Variants in MRM3 observed in about 807,000 individuals in gnomAD.
MRM3 encodes mitochondrial rRNA methyltransferase 3.
MRM3 carries 26 observed loss-of-function variants against 29.4 expected under a neutral mutation model. The observed-to-expected ratio is 0.89, with a 90% CI of 0.65 to 1.23. The LOEUF is 1.23. Ranked by LOEUF, MRM3 falls within the 50% of genes most tolerant of loss-of-function variation. MRM3 has a pLI of 0.00. For synonymous variants in MRM3, 225 were observed against 219.0 expected (o/e 1.03, Z -0.24); for missense variants, 578 against 540.2 (o/e 1.07, Z -0.69).
In MRM3 at chr17:782,681, C is replaced by G. The variant is rs776218722; in HGVS notation, c.303C>G (p.Asp101Glu). 1 of 1,602,546 alleles carries G rather than the reference C, an allele frequency of 6.2e-7. No individual in the cohort carries two copies. Among genetic ancestry groups the G allele is most frequent in the South Asian group, 1.1e-5 (1 of 90,730 alleles). ...GCTACGATAAAGCTTATCCCGGGGA[C>G]AGGAGGCTGAGGTGATGTGGTTCTT... The part of the protein sequence containing the change: ...GLRYDKAYPG[D>E]RRLSSVMTIV... Residue 101 changes from aspartate (D) to glutamate (E), a missense_variant, in exon 1 of 4, where the codon GAC becomes GAG. Physicochemically the swap from Asp to Glu is conservative, Grantham distance 45 (BLOSUM62 2). Coordinates refer to ENST00000304478, the MANE Select transcript of MRM3 (RefSeq NM_018146.4).
Position 787,697 on chromosome 17 carries a change from C to T in MRM3, c.560-268C>T, listed in dbSNP as rs959188067. ...CCAGGTAGCTGGGACTAGAGGCATG[C>T]GCCACCACGCCTGGCTAATCTTTGT... On this transcript the variant is annotated intron_variant, in intron 2 of 3. Coordinates refer to ENST00000304478, the MANE Select transcript of MRM3 (RefSeq NM_018146.4). This position sits in a 1 kb window ranked among gnomAD's most constrained non-coding sequence, Gnocchi z 4.1. Among the ~76,000 whole-genome samples the T allele has an allele frequency of 5.9e-5, 9 of 152,172 alleles. No individual in the cohort carries two copies. The highest frequency in any genetic ancestry group is 1.2e-4 in the Non-Finnish European group (8 of 68,030).
In MRM3 at chr17:782,419, C is replaced by T. The variant is rs752422638; in HGVS notation, c.41C>T (p.Pro14Leu). ...AGACCCGCGAGGTTTGTCGTGCGAC[C>T]GTTGCTGCAGGTGGTCCAGGCTTGG... ...LVRPARFVVRPLLQVVQAWDL... is the reference protein window; with the variant it reads ...LVRPARFVVRLLLQVVQAWDL... The change falls in exon 1 of 4, where the codon CCG (proline) becomes CTG (leucine). Residue 14 changes from proline (P) to leucine (L), a missense_variant. Pro to Leu is a moderately conservative substitution (Grantham distance 98, BLOSUM62 -3). Transcript: ENST00000304478. 8 of 1,613,944 alleles carry T rather than the reference C, an allele frequency of 5.0e-6. No homozygotes were observed. The South Asian group carries it at 6.6e-5, about 13-fold the overall frequency.
rs1345127510 is a variant in MRM3 at position 787,777 on chromosome 17, G to C, written c.560-188G>C. On this transcript the variant is annotated intron_variant, in intron 2 of 3. Transcript: ENST00000304478. This position sits in a 1 kb window ranked among gnomAD's most constrained non-coding sequence, Gnocchi z 4.1. ...TTGGCCAGGCTGGTCTCGGACTCCT[G>C]ACCTCAGGTGATCCACCCGCCTTGG... Among the ~76,000 whole-genome samples, 1 of 152,216 alleles carries C rather than the reference G, an allele frequency of 6.6e-6. No homozygotes were observed. The highest frequency in any genetic ancestry group is 1.5e-5 in the Non-Finnish European group (1 of 68,040).
At chr17:783,056 G>GT (rs34512506) in intron 1 of MRM3, 27 bp from the exon 2 acceptor site, 16,232 of 1,299,646 alleles carry the variant, frequency 0.012, no homozygotes, top group Non-Finnish European at 0.014. Context: ...ATAGTTACCT[G>GT]TTTTTTTTTT....
At chr17:784,279 A>G (rs1048089779) in intron 2 of MRM3, among the ~76,000 whole-genome samples, 4 of 152,226 alleles carry the variant, frequency 2.6e-5, no homozygotes, top group African/African-American at 9.6e-5. Flanking sequence ...TAACCCAGTG[A>G]GTCACAGGGA....
In MRM3 at chr17:782,601, C is replaced by G; in HGVS notation, c.223C>G (p.Pro75Ala). The G allele has an allele frequency of 1.2e-6, 2 of 1,614,056 alleles. No individual in the cohort carries two copies. The highest frequency in any genetic ancestry group is 1.7e-6 in the Non-Finnish European group (2 of 1,179,992). ...ASAQEQREKQPLEESASRAPS... is the reference protein window; with the variant it reads ...ASAQEQREKQALEESASRAPS... ...TGCCCAGGAGCAACGAGAGAAACAA[C>G]CGCTCGAGGAGTCCGCATCCCGCGC... The change falls in exon 1 of 4, where the codon CCG becomes GCG. Residue 75 changes from proline to alanine, a missense_variant. Transcript: ENST00000304478.
intron 3 of MRM3, among the ~76,000 whole-genome samples, chr17:789,548 C>G (rs1010930273): frequency 6.6e-6 from 1 of 152,194 alleles, no homozygotes; most frequent in Admixed American, 6.5e-5. Context: ...GAGTACCATT[C>G]ATCAGAAACA....
At chr17:783,036 A>G (rs757318944) in intron 1 of MRM3, 47 bp from the exon 2 acceptor site, 3 of 1,557,550 alleles carry the variant, frequency 1.9e-6, no homozygotes, top group Non-Finnish European at 2.6e-6. Context: ...TCTCAGTAAC[A>G]AGGATGTTGA....
chr17:785,654 C>T (rs780302000), intron 2 of MRM3, among the ~76,000 whole-genome samples: 3 of 152,150 alleles, frequency 2.0e-5, no homozygotes, highest in Non-Finnish European at 2.9e-5. Flanking sequence ...ACCTACAGCC[C>T]CTTCGTTTTG....
Position 792,077 on chromosome 17 carries a change from G to A in MRM3, c.*8G>A. On this transcript the variant is annotated 3_prime_UTR_variant, in exon 4 of 4. Coordinates refer to ENST00000304478, the MANE Select transcript of MRM3 (RefSeq NM_018146.4). Reference sequence around the variant, plus strand: ...GACAGGAGTTACCACTGAGGACGCAGAAGTGACTTCTGCTTGAGGACGTCT... The same window carrying A: ...GACAGGAGTTACCACTGAGGACGCAAAAGTGACTTCTGCTTGAGGACGTCT... The A allele has an allele frequency of 1.3e-6, 2 of 1,575,726 alleles. No homozygotes were observed. The highest frequency in any genetic ancestry group is 1.3e-5 in the African/African-American group (1 of 74,318).
At chr17:783,489 A>G (rs1041467144) in intron 2 of MRM3, 162 bp downstream of exon 2, 35 of 632,254 alleles carry the variant, frequency 5.5e-5, no homozygotes, top group Middle Eastern at 9.6e-4. Flanking sequence ...GGCGTCTGCC[A>G]CCATGCCCGG....
Position 792,147 on chromosome 17 carries a change from C to CA in MRM3, c.*79dup, listed in dbSNP as rs1910859958. 8 of 1,424,168 alleles carry CA rather than the reference C, an allele frequency of 5.6e-6. No individual in the cohort carries two copies. Among genetic ancestry groups the CA allele is most frequent in the Non-Finnish European group, 7.6e-6 (8 of 1,050,738 alleles). The allele number at this position is 1,424,168 out of a possible 1,614,324, so 88.2% of individuals were successfully genotyped here. A position where few individuals can be genotyped will look rare whatever the true frequency, so the allele number is the denominator to read the frequency against. On this transcript the variant is annotated 3_prime_UTR_variant, in exon 4 of 4. Transcript: ENST00000304478. ...CACACTGGTGGGAGGCTGGCGGAGT[C>CA]AGTGACTATGGCCCCCACGTTCAGG...
At position 783,105 on chromosome 17, in the gene MRM3, T is replaced by G; in HGVS notation, c.337T>G (p.Ser113Ala). ...RLSSVMTIVKSRPFREKQGKI... is the reference protein window; with the variant it reads ...RLSSVMTIVKARPFREKQGKI... ...CAGCAGTGTAATGACAATAGTAAAG[T>G]CCAGGCCATTTCGGGAAAAACAAGG... The change falls in exon 2 of 4, where the codon TCC becomes GCC. Residue 113 changes from serine (S) to alanine (A), a missense_variant. Physicochemically the swap from Ser to Ala is moderately conservative, Grantham distance 99. Coordinates refer to ENST00000304478, the MANE Select transcript of MRM3 (RefSeq NM_018146.4). 1 of 1,613,744 alleles carries G rather than the reference T, an allele frequency of 6.2e-7. No homozygotes were observed. The highest frequency in any genetic ancestry group is 8.5e-7 in the Non-Finnish European group (1 of 1,179,852).
At position 788,150 on chromosome 17, in the gene MRM3, C is replaced by T. The variant is rs1479360790; in HGVS notation, c.727+18C>T. On this transcript the variant is annotated intron_variant, in intron 3 of 3. Transcript: ENST00000304478. ...CACCAAAGGTAAGGACATCAAAGGCCAGGCATAGTGGCTCACACTCGTAAT... is the reference window on the plus strand; with the variant it reads ...CACCAAAGGTAAGGACATCAAAGGCTAGGCATAGTGGCTCACACTCGTAAT... The T allele has an allele frequency of 6.2e-7, 1 of 1,613,078 alleles. No homozygotes were observed. Among genetic ancestry groups the T allele is most frequent in the Non-Finnish European group, 8.5e-7 (1 of 1,179,490 alleles).
rs1910292078 is a variant in MRM3, at chr17:783,228, G to C, written c.460G>C (p.Glu154Gln). 2 of 1,614,016 alleles carry C rather than the reference G, an allele frequency of 1.2e-6. No homozygotes were observed. The highest frequency in any genetic ancestry group is 3.3e-5 in the Admixed American group (2 of 59,998). Residue 154 changes from glutamate to glutamine, a missense_variant, in exon 2 of 4, where the codon GAG becomes CAG. Physicochemically the swap from Glu to Gln is conservative, Grantham distance 29 (BLOSUM62 2). Coordinates refer to ENST00000304478, the MANE Select transcript of MRM3 (RefSeq NM_018146.4). ...CTTTAGCCGTCTAGAATACCTAAAG[G>C]AGTTGCCAGTCGATAAGCTGAAAGG... ...FFFSRLEYLK[E>Q]LPVDKLKGVS...
At position 784,005 on chromosome 17, in the gene MRM3, C is replaced by G. The variant is rs549497723; in HGVS notation, c.559+678C>G. ...TAAACTGCTTATTCCAGAAGCAGAT[C>G]TAAGAAGCGAGGTACAAGCCACAAT... On this transcript the variant is annotated intron_variant, in intron 2 of 3. Transcript: ENST00000304478. 2.0e-5 allele frequency among the ~76,000 whole-genome samples: 3 copies of G among 152,302 alleles called. No individual in the cohort carries two copies. In the South Asian group the frequency reaches 6.2e-4, roughly 32 times the overall value.
At position 791,557 on chromosome 17, in the gene MRM3, A is replaced by T. The variant is rs760126532; in HGVS notation, c.751A>T (p.Lys251Ter). The T allele has an allele frequency of 1.9e-6, 3 of 1,613,772 alleles. No individual in the cohort carries two copies. Among genetic ancestry groups the T allele is most frequent in the Non-Finnish European group, 2.5e-6 (3 of 1,179,694 alleles). ...AGGCTGTGTGGATGCCTGGGAGCCC[A>T]AAGTGCTCCGGGCGGGTATGGGCGC... is the stretch of plus-strand genomic sequence containing the variant. ...TKGCVDAWEP[K>*]VLRAGMGAHF... Residue 251 changes from lysine (K) to a stop codon, truncating the protein, a stop_gained, in exon 4 of 4, where the codon AAA (lysine) becomes TAA (stop). Transcript: ENST00000304478. LOFTEE classifies it high-confidence loss of function.
Position 782,362 on chromosome 17 carries a change from C to T in MRM3, c.-17C>T, listed in dbSNP as rs1269634134. On this transcript the variant is annotated 5_prime_UTR_variant, in exon 1 of 4. Coordinates refer to ENST00000304478, the MANE Select transcript of MRM3 (RefSeq NM_018146.4). The stretch of plus-strand genomic sequence containing the variant: ...CCGACGGCGCGCTTTCGTGACGCAG[C>T]CCGGGTCTCAGGGAACATGGCGGCG... 2 of 1,613,260 alleles carry T rather than the reference C, an allele frequency of 1.2e-6. No individual in the cohort carries two copies. The highest frequency in any genetic ancestry group is 1.7e-5 in the Admixed American group (1 of 59,900).
intron 3 of MRM3, among the ~76,000 whole-genome samples, chr17:790,758 G>C (rs9903236): frequency 6.3e-5 from 4 of 63,174 alleles, no homozygotes; most frequent in Admixed American, 3.6e-4. Context: ...CACCCCCACC[G>C]GCTGATTGGC....
Sources: allele counts gnomAD v4.1 joint callset (sites outside exome capture counted in the v4.1 genomes callset), GRCh38; gene constraint gnomAD v4.1.1; non-coding constraint Gnocchi (gnomAD v3.1); transcripts MANE v1.5; gene names NCBI Gene and HGNC (gene_info 2026-07-23, HGNC 2026-07-21).